Variants in FSHR observed in about 807,000 individuals in gnomAD.
The protein encoded by FSHR is follicle-stimulating hormone receptor.
FSHR carries 46 observed loss-of-function variants against 52.1 expected under a neutral mutation model. The ratio of observed to expected loss-of-function variants is 0.88; its 90% confidence interval spans 0.70 to 1.13. FSHR has a LOEUF of 1.13. FSHR is among the 50% of genes most tolerant of loss of function. The pLI, the probability that FSHR is intolerant of heterozygous loss-of-function variation, is 0.00. For missense variants in FSHR, 964 were observed against 834.6 expected, an observed-to-expected ratio of 1.16 and a Z score of -1.91; for synonymous variants, 399 against 309.6, an observed-to-expected ratio of 1.29 and a Z score of -3.03.
intron 1 of FSHR, among the ~76,000 whole-genome samples, chr2:49,090,288 C>G (rs1670556685): frequency 6.6e-6 from 1 of 152,188 alleles, no homozygotes; most frequent in Non-Finnish European, 1.5e-5. Context: ...TGTCCCTCCA[C>G]TTTTAACTGC....
chr2:49,024,581 TAAAC>T (rs1366756243), intron 2 of FSHR, among the ~76,000 whole-genome samples: 2 of 151,996 alleles, frequency 1.3e-5, no homozygotes, highest in Non-Finnish European at 2.9e-5. Flanking sequence ...ATGAATAAAA[TAAAC>T]AATAAAAATA....
intron 8 of FSHR, among the ~76,000 whole-genome samples, chr2:48,976,518 C>T (rs1261383005): frequency 6.6e-6 from 1 of 152,102 alleles, no homozygotes. Context: ...GAGAGGAGTC[C>T]CTCTTTTTCT....
At chr2:48,986,089 A>T (rs866675141) in intron 6 of FSHR, among the ~76,000 whole-genome samples, 1 of 152,184 alleles carries the variant, frequency 6.6e-6, no homozygotes, top group African/African-American at 2.4e-5. Flanking sequence ...CACCTGGGTA[A>T]TAACCATAGT....
intron 1 of FSHR, among the ~76,000 whole-genome samples, chr2:49,150,856 A>C (rs1335689454): frequency 6.6e-6 from 1 of 151,992 alleles, no homozygotes; most frequent in Non-Finnish European, 1.5e-5. Context: ...TCCATGGGCC[A>C]AATTTGGCTT....
At chr2:49,067,090 A>T (rs1336193372) in intron 2 of FSHR, among the ~76,000 whole-genome samples, 2 of 152,114 alleles carry the variant, frequency 1.3e-5, no homozygotes, top group Non-Finnish European at 2.9e-5. Flanking sequence ...TAGAAATTGG[A>T]AATCACGTAA....
intron 1 of FSHR, among the ~76,000 whole-genome samples, chr2:49,153,375 T>G (rs1001734294): frequency 4.6e-5 from 7 of 152,160 alleles, no homozygotes; most frequent in African/African-American, 1.7e-4. Context: ...AACAATTACT[T>G]CAGGCTTCCC....
intron 1 of FSHR, among the ~76,000 whole-genome samples, chr2:49,143,089 G>A (rs1672748544): frequency 6.6e-6 from 1 of 152,178 alleles, no homozygotes; most frequent in Non-Finnish European, 1.5e-5. Context: ...ATTTAAAGCT[G>A]TCTGGATGAG....
At chr2:49,096,307 A>T (rs942331119) in intron 1 of FSHR, among the ~76,000 whole-genome samples, 2 of 152,236 alleles carry the variant, frequency 1.3e-5, no homozygotes, top group Non-Finnish European at 2.9e-5. Context: ...GATAAATGAT[A>T]TAACATAGAT....
intron 1 of FSHR, among the ~76,000 whole-genome samples, chr2:49,106,670 C>T (rs769331953): frequency 6.6e-6 from 1 of 152,182 alleles, no homozygotes; most frequent in Non-Finnish European, 1.5e-5. Context: ...GAATCTGTGT[C>T]ACTGGCTGTT....
chr2:49,126,524 G>A (rs1454293069), intron 1 of FSHR, among the ~76,000 whole-genome samples: 2 of 152,132 alleles, frequency 1.3e-5, no homozygotes, highest in African/African-American at 4.8e-5. Flanking sequence ...AACTTTGGGG[G>A]ACATATTCAA....
intron 2 of FSHR, among the ~76,000 whole-genome samples, chr2:49,062,488 T>G (rs1298121563): frequency 6.6e-6 from 1 of 152,102 alleles, no homozygotes; most frequent in Non-Finnish European, 1.5e-5. Flanking sequence ...GGGAAATTCT[T>G]CAGAAAATTG....
At chr2:48,984,020 A>G (rs1675376006) in intron 6 of FSHR, among the ~76,000 whole-genome samples, 1 of 152,112 alleles carries the variant, frequency 6.6e-6, no homozygotes, top group Admixed American at 6.5e-5. Context: ...ACCTCTGACT[A>G]CCTGCTCTTG....
In FSHR at chr2:49,153,740, C is replaced by G. The variant is rs147456837; in HGVS notation, c.152+526G>C. Among the ~76,000 whole-genome samples, 43 of 152,094 alleles carry G rather than the reference C, an allele frequency of 2.8e-4. No homozygotes were observed. In the East Asian group the frequency reaches 8.3e-3, roughly 29 times the overall value. On this transcript the variant is annotated intron_variant, in intron 1 of 9. Coordinates refer to ENST00000406846, the MANE Select transcript of FSHR (RefSeq NM_000145.4). ...CCTATCTTTCTTTCTTTCTTCACAC[C>G]TTTTCTCTTCTCTACCACCTCCTTT... is the stretch of plus-strand genomic sequence containing the variant.
chr2:48,977,457 A>C (rs1675041778), intron 8 of FSHR, among the ~76,000 whole-genome samples: 2 of 152,192 alleles, frequency 1.3e-5, no homozygotes, highest in South Asian at 4.1e-4. Flanking sequence ...TGGTAAACTA[A>C]TGGAAGGGGA....
chr2:49,124,479 T>G (rs1056010291), intron 1 of FSHR, among the ~76,000 whole-genome samples: 1 of 152,210 alleles, frequency 6.6e-6, no homozygotes, highest in Non-Finnish European at 1.5e-5. Context: ...GTTTTACGCC[T>G]ATCTCATGAT....
intron 2 of FSHR, among the ~76,000 whole-genome samples, chr2:49,048,205 C>A (rs11125197): frequency 6.6e-6 from 1 of 151,580 alleles, no homozygotes; most frequent in Admixed American, 6.6e-5. Flanking sequence ...TAAATTGATA[C>A]AATTTTTATA....
chr2:48,964,941 A>G (rs1400064211), intron 9 of FSHR, among the ~76,000 whole-genome samples: 2 of 152,006 alleles, frequency 1.3e-5, no homozygotes, highest in Admixed American at 1.3e-4. Flanking sequence ...TCTGTTTGGA[A>G]GCAAAGGCTT....
chr2:48,989,660 C>G (rs139752806), intron 5 of FSHR, among the ~76,000 whole-genome samples: 7 of 152,308 alleles, frequency 4.6e-5, no homozygotes, highest in African/African-American at 1.7e-4. Context: ...CACCTCTTGT[C>G]TAACTTCTCT....
At chr2:49,074,838 C>A (rs548628385) in intron 1 of FSHR, among the ~76,000 whole-genome samples, 1 of 152,162 alleles carries the variant, frequency 6.6e-6, no homozygotes, top group Non-Finnish European at 1.5e-5. Flanking sequence ...TACTATTTAG[C>A]CATAGAATAA....
Sources: allele counts gnomAD v4.1 joint callset (sites outside exome capture counted in the v4.1 genomes callset), GRCh38; gene constraint gnomAD v4.1.1; transcripts MANE v1.5; gene names NCBI Gene and HGNC (gene_info 2026-07-23, HGNC 2026-07-21).